ACOT7: variants seen among roughly 807,000 people sequenced by gnomAD.
ACOT7 encodes cytosolic acyl coenzyme A thioester hydrolase.
ACOT7 carries 12 observed loss-of-function variants against 40.2 expected under a neutral mutation model. That is an observed-to-expected ratio of 0.30 (90% CI 0.19 to 0.48). ACOT7 has a LOEUF of 0.48. Ranked by LOEUF, ACOT7 falls within the 20% of genes least tolerant of loss-of-function variation. The pLI is 0.99. For synonymous variants in ACOT7, 228 were observed against 219.5 expected (o/e 1.04, Z -0.34); for missense variants, 395 against 530.8 (o/e 0.74, Z 2.51).
intron 3 of ACOT7, among the ~76,000 whole-genome samples, chr1:6,336,082 T>A (rs1641092825): frequency 6.6e-6 from 1 of 152,096 alleles, no homozygotes; most frequent in African/African-American, 2.4e-5. Flanking sequence ...TGCGGTGGCT[T>A]ACGCCTGTAA....
chr1:6,315,758 A>C (rs962041834), intron 6 of ACOT7, among the ~76,000 whole-genome samples: 10,645 of 80,898 alleles, frequency 0.13, 696 homozygotes, highest in East Asian at 0.42. Flanking sequence ...CTGTCTAAAA[A>C]AAAAAAAAAA....
chr1:6,277,489 A>G (rs1326209687), intron 8 of ACOT7, among the ~76,000 whole-genome samples: 2 of 152,314 alleles, frequency 1.3e-5, no homozygotes, highest in East Asian at 3.9e-4. Flanking sequence ...CTTTACGCCC[A>G]TATGCGTGAG....
At chr1:6,370,919 T>C (rs1642121656) in intron 1 of ACOT7, among the ~76,000 whole-genome samples, 1 of 152,058 alleles carries the variant, frequency 6.6e-6, no homozygotes, top group South Asian at 2.1e-4. Context: ...CAAGTGATTC[T>C]CCTACCTCAG....
rs2148461300 is a variant in ACOT7 at position 6,355,638 on chromosome 1, C to G, written c.144-5772G>C. 1.3e-5 allele frequency among the ~76,000 whole-genome samples: 2 copies of G among 152,316 alleles called. No individual in the cohort carries two copies. The highest frequency in any genetic ancestry group is 1.9e-4 in the East Asian group (1 of 5,180). Reference sequence around the variant, plus strand: ...CTGGGCAGGGACCTCGGTGAGATGCCTGTGTCTTTTGGATGCCTTTAAACC... The same window carrying G: ...CTGGGCAGGGACCTCGGTGAGATGCGTGTGTCTTTTGGATGCCTTTAAACC... On this transcript the variant is annotated intron_variant, in intron 1 of 8. Coordinates refer to ENST00000361521, the MANE Select transcript of ACOT7 (RefSeq NM_007274.4). The surrounding 1 kb of genome is among the most constrained non-coding windows in gnomAD (Gnocchi z 5.0).
chr1:6,372,614 G>A (rs1180763426), intron 1 of ACOT7, among the ~76,000 whole-genome samples: 1 of 147,462 alleles, frequency 6.8e-6, no homozygotes, highest in African/African-American at 2.6e-5. Context: ...GCAGTGGCAC[G>A]ATCTTGACTC....
rs1379874500 is a variant in ACOT7, at chr1:6,306,691, T to C, written c.713-11711A>G. The C allele has an allele frequency of 2.0e-6, 2 of 985,248 alleles. No homozygotes were observed. Among genetic ancestry groups the C allele is most frequent in the Admixed American group, 1.2e-4 (2 of 16,258 alleles). 61.0% of individuals were successfully genotyped at this position (985,248 alleles called of 1,614,324 possible). On this transcript the variant is annotated intron_variant, in intron 6 of 8. Transcript: ENST00000361521. This position sits in a 1 kb window ranked among gnomAD's most constrained non-coding sequence, Gnocchi z 4.3. ...AAGCATTTGTTTGTTCACCTCTTGA[T>C]CCCCCTAGACCAGAAGTTCCTCAAG...
chr1:6,333,694 C>T, intron 3 of ACOT7, 126 bp from the exon 4 acceptor site: 1 of 899,042 alleles, frequency 1.1e-6, no homozygotes. Flanking sequence ...CAGTGTGCAC[C>T]ACCTCTCTGG....
intron 8 of ACOT7, among the ~76,000 whole-genome samples, chr1:6,266,354 A>C (rs1013680282): frequency 3.3e-5 from 5 of 152,218 alleles, no homozygotes; most frequent in African/African-American, 1.2e-4. Flanking sequence ...GAAGACATAC[A>C]TGGCTACATC....
At chr1:6,339,644 C>A in intron 2 of ACOT7, 55 bp from the exon 3 acceptor site, 2 of 1,590,218 alleles carry the variant, frequency 1.3e-6, no homozygotes, top group Non-Finnish European at 8.6e-7. Context: ...CCCCGAGAGC[C>A]CCACCCAGGA....
At chr1:6,324,840 C>T (rs1640754045) in intron 5 of ACOT7, among the ~76,000 whole-genome samples, 1 of 152,204 alleles carries the variant, frequency 6.6e-6, no homozygotes, top group African/African-American at 2.4e-5. Flanking sequence ...TCTGCAAAGA[C>T]CCATTTTCCA....
chr1:6,279,298 G>T (rs1639287173), intron 8 of ACOT7, among the ~76,000 whole-genome samples: 1 of 152,182 alleles, frequency 6.6e-6, no homozygotes, highest in Non-Finnish European at 1.5e-5. Flanking sequence ...AGGGCCGATG[G>T]GTGGCACGGT....
intron 5 of ACOT7, among the ~76,000 whole-genome samples, chr1:6,319,815 T>C (rs1328001864): frequency 1.3e-5 from 2 of 152,318 alleles, no homozygotes; most frequent in South Asian, 4.1e-4. Context: ...TCCGCCTTTC[T>C]GGGGTCAGGC....
At chr1:6,318,636 G>C in intron 5 of ACOT7, 58 bp from the exon 6 acceptor site, 1 of 1,569,958 alleles carries the variant, frequency 6.4e-7, no homozygotes, top group Non-Finnish European at 8.7e-7. Context: ...ACAGCTGAAT[G>C]GTCTGGCAAT....
At position 6,289,007 on chromosome 1, in the gene ACOT7, G is replaced by A. The variant is rs774332353; in HGVS notation, c.829+5857C>T. On this transcript the variant is annotated intron_variant, in intron 7 of 8. Transcript: ENST00000361521. This position sits in a 1 kb window ranked among gnomAD's most constrained non-coding sequence, Gnocchi z 4.6. ...GAGGCAGTTTTACGGGAGGCTGAAGGAGAGAAAGCAAAGCACTTCCTGCCT... is the reference window on the plus strand; with the variant it reads ...GAGGCAGTTTTACGGGAGGCTGAAGAAGAGAAAGCAAAGCACTTCCTGCCT... 2.6e-5 allele frequency among the ~76,000 whole-genome samples: 4 copies of A among 152,228 alleles called. No individual in the cohort carries two copies. Among genetic ancestry groups the A allele is most frequent in the Non-Finnish European group, 5.9e-5 (4 of 68,046 alleles).
intron 2 of ACOT7, among the ~76,000 whole-genome samples, chr1:6,346,718 G>A (rs367752297): frequency 5.3e-5 from 8 of 152,238 alleles, no homozygotes; most frequent in South Asian, 2.1e-4. Flanking sequence ...GACCTGCCAG[G>A]AGGCTGCTGC....
At chr1:6,356,152 C>G (rs1012792076) in intron 1 of ACOT7, among the ~76,000 whole-genome samples, 38 of 152,160 alleles carry the variant, frequency 2.5e-4, no homozygotes, top group Non-Finnish European at 4.4e-4. Context: ...CTTATAGGAA[C>G]AGGGAAGTCT....
rs899684074 is a variant in ACOT7 at position 6,291,635 on chromosome 1, G to A, written c.829+3229C>T. ...AGTAGCTCCCTGGGCTCTTGACACC[G>A]ACTGGGATAGTCCACAATAATGTGT... On this transcript the variant is annotated intron_variant, in intron 7 of 8. Transcript: ENST00000361521. 4.6e-5 allele frequency among the ~76,000 whole-genome samples: 7 copies of A among 152,210 alleles called. No homozygotes were observed. In the East Asian group the frequency reaches 5.8e-4, roughly 13 times the overall value.
intron 1 of ACOT7, among the ~76,000 whole-genome samples, chr1:6,371,761 T>C (rs919018754): frequency 1.3e-5 from 2 of 151,938 alleles, no homozygotes; most frequent in Non-Finnish European, 2.9e-5. Context: ...ACTGAAAACC[T>C]AGGCAGGGCA....
intron 1 of ACOT7, among the ~76,000 whole-genome samples, chr1:6,390,807 G>A (rs1364862603): frequency 6.7e-6 from 1 of 150,056 alleles, no homozygotes; most frequent in East Asian, 2.0e-4. Flanking sequence ...ATGATGGCGG[G>A]TACCTATAAT....
Sources: allele counts gnomAD v4.1 joint callset (sites outside exome capture counted in the v4.1 genomes callset), GRCh38; gene constraint gnomAD v4.1.1; non-coding constraint Gnocchi (gnomAD v3.1); transcripts MANE v1.5; gene names NCBI Gene and HGNC (gene_info 2026-07-23, HGNC 2026-07-21).